LRRC7: variants seen among roughly 807,000 people sequenced by gnomAD.
LRRC7 encodes leucine-rich repeat-containing protein 7.
Under a neutral mutation model 175.7 loss-of-function variants are expected in LRRC7, and 23 were observed. The observed-to-expected ratio is 0.13, with a 90% CI of 0.09 to 0.19. LRRC7 has a LOEUF of 0.19. LRRC7 is among the 10% of genes least tolerant of loss of function. LRRC7 has a pLI of 1.00. For missense variants in LRRC7, 1,354 were observed against 1,904.7 expected (o/e 0.71, Z 5.38); for synonymous variants, 685 against 680.9 (o/e 1.01, Z -0.09).
At chr1:69,792,787 G>C (rs1322049768) in intron 4 of LRRC7, among the ~76,000 whole-genome samples, 1 of 151,988 alleles carries the variant, frequency 6.6e-6, no homozygotes, top group Non-Finnish European at 1.5e-5. Context: ...TTGTATATCT[G>C]GTGTTTTTGT....
intron 11 of LRRC7, among the ~76,000 whole-genome samples, chr1:70,001,270 T>G (rs1317629085): frequency 6.6e-6 from 1 of 152,224 alleles, no homozygotes. Context: ...TAATGATGTT[T>G]GTAATGAGTA....
chr1:69,748,382 G>A (rs946701108), intron 2 of LRRC7, among the ~76,000 whole-genome samples: 2 of 152,038 alleles, frequency 1.3e-5, no homozygotes, highest in African/African-American at 4.8e-5. Flanking sequence ...ATCACAAAAG[G>A]CAAGGAATCT....
At chr1:69,763,577 A>G (rs1671275431) in intron 3 of LRRC7, among the ~76,000 whole-genome samples, 1 of 152,020 alleles carries the variant, frequency 6.6e-6, no homozygotes, top group Non-Finnish European at 1.5e-5. Flanking sequence ...GGCTGCTGGT[A>G]GCAGTACAAG....
intron 1 of LRRC7, among the ~76,000 whole-genome samples, chr1:69,649,412 G>A (rs1228755985): frequency 6.6e-6 from 1 of 152,158 alleles, no homozygotes; most frequent in African/African-American, 2.4e-5. Context: ...ATTTTAAGCA[G>A]ACCTACAGTA....
intron 23 of LRRC7, among the ~76,000 whole-genome samples, chr1:70,070,000 A>G (rs1220225278): frequency 6.6e-6 from 1 of 151,584 alleles, no homozygotes; most frequent in Non-Finnish European, 1.5e-5. Flanking sequence ...TAAAAATTTT[A>G]TATATTTTTT....
intron 25 of LRRC7, among the ~76,000 whole-genome samples, chr1:70,090,233 A>G (rs957784581): frequency 3.9e-5 from 6 of 152,210 alleles, no homozygotes; most frequent in Non-Finnish European, 7.3e-5. Context: ...TAGTAATTCA[A>G]TGCAAAGGCA....
At chr1:69,861,896 A>G (rs993139880) in intron 7 of LRRC7, among the ~76,000 whole-genome samples, 1 of 152,164 alleles carries the variant, frequency 6.6e-6, no homozygotes, top group African/African-American at 2.4e-5. Context: ...CACTTCATAA[A>G]ATCAGTTGCT....
At chr1:70,040,090 A>G (rs1385096825) in intron 21 of LRRC7, among the ~76,000 whole-genome samples, 1 of 152,246 alleles carries the variant, frequency 6.6e-6, no homozygotes, top group Non-Finnish European at 1.5e-5. Context: ...CTTTCTAGCC[A>G]TTAAGGCAAA....
chr1:69,660,899 G>A (rs1036791155), intron 1 of LRRC7, among the ~76,000 whole-genome samples: 4 of 151,866 alleles, frequency 2.6e-5, no homozygotes, highest in South Asian at 2.1e-4. Context: ...TGAGGGAGAC[G>A]GATTGTAGCA....
chr1:69,789,357 A>G (rs1237772658), intron 3 of LRRC7, among the ~76,000 whole-genome samples: 1 of 21,962 alleles, frequency 4.6e-5, no homozygotes, highest in Non-Finnish European at 8.9e-5. Flanking sequence ...TTTGAGAATC[A>G]TTGAGTTTAC....
intron 1 of LRRC7, among the ~76,000 whole-genome samples, chr1:69,620,399 C>T (rs1650378652): frequency 6.6e-6 from 1 of 151,972 alleles, no homozygotes. Context: ...AATTCTAAGA[C>T]CAAAAAGTTT....
At chr1:69,961,596 T>G (rs1651097464) in intron 8 of LRRC7, among the ~76,000 whole-genome samples, 2 of 152,180 alleles carry the variant, frequency 1.3e-5, no homozygotes, top group Admixed American at 1.3e-4. Flanking sequence ...ACAGGGCTGC[T>G]ACAGTAACCA....
intron 1 of LRRC7, among the ~76,000 whole-genome samples, chr1:69,582,242 C>T (rs1214202245): frequency 6.6e-6 from 1 of 152,160 alleles, no homozygotes; most frequent in African/African-American, 2.4e-5. Context: ...AACTAAGATA[C>T]TTATTTTACC....
chr1:69,825,858 T>G (rs754606131), intron 5 of LRRC7, 32 bp downstream of exon 5: 3 of 1,381,954 alleles, frequency 2.2e-6, no homozygotes, highest in Non-Finnish European at 3.0e-6. Context: ...TTATTTGTAT[T>G]TATATTTCCA....
At chr1:69,915,288 T>A (rs1646652581) in intron 7 of LRRC7, among the ~76,000 whole-genome samples, 1 of 151,608 alleles carries the variant, frequency 6.6e-6, no homozygotes, top group African/African-American at 2.4e-5. Context: ...CAGGTCAGAG[T>A]TTCAAGCAGG....
At chr1:70,121,655 C>A in intron 26 of LRRC7, 125 bp from the exon 27 acceptor site, 1 of 609,982 alleles carries the variant, frequency 1.6e-6, no homozygotes, top group South Asian at 2.4e-5. Flanking sequence ...ATTGCGATTC[C>A]ATTGTGAATT....
At chr1:70,118,508 T>C (rs573197537) in intron 26 of LRRC7, among the ~76,000 whole-genome samples, 1 of 152,310 alleles carries the variant, frequency 6.6e-6, no homozygotes, top group African/African-American at 2.4e-5. Context: ...TTGGAGGTGA[T>C]ACAGCAACAA....
chr1:70,036,615 G>C lies in LRRC7; in HGVS notation c.2279G>C (p.Trp760Ser). The change falls in exon 20 of 27, where the codon TGG becomes TCG. Residue 760 changes from tryptophan to serine, a missense_variant. This residue lies in a region of LRRC7 where 1,032 missense variants were observed against 1,227.2 expected (regional missense o/e 0.84). Transcript: ENST00000651989. ...TAKDAVHNSL[W>S]GNRIAPSFPQ... Reference sequence around the variant, plus strand: ...AAAGATGCAGTACATAATTCTTTGTGGGGTAACAGGTGTGTTTAGAATTCC... The same window carrying C: ...AAAGATGCAGTACATAATTCTTTGTCGGGTAACAGGTGTGTTTAGAATTCC... The C allele has an allele frequency of 6.2e-7, 1 of 1,608,792 alleles. No homozygotes were observed. The highest frequency in any genetic ancestry group is 8.5e-7 in the Non-Finnish European group (1 of 1,178,500).
In LRRC7 at chr1:69,600,795, G is replaced by GT. The variant is rs1557463007; in HGVS notation, c.2+32154_2+32155insT. Among the ~76,000 whole-genome samples, 20 of 3,896 alleles carry GT rather than the reference G, an allele frequency of 5.1e-3. 5 individuals are homozygous for GT. Among genetic ancestry groups the GT allele is most frequent in the African/African-American group, 0.01 (7 of 696 alleles). 2.6% of individuals were successfully genotyped at this position (3,896 alleles called of 152,430 possible). A position where few individuals can be genotyped will look rare whatever the true frequency, so the allele number is the denominator to read the frequency against. On this transcript the variant is annotated intron_variant, in intron 1 of 26. Coordinates refer to ENST00000651989, the MANE Select transcript of LRRC7 (RefSeq NM_001370785.2). ...ATTAGCCATTTCTCCAAGGATCTCT[G>GT]GTTTCTTTTTTTTTTTTTTTTTTTT...
Sources: allele counts gnomAD v4.1 joint callset (sites outside exome capture counted in the v4.1 genomes callset), GRCh38; gene constraint gnomAD v4.1.1; regional missense constraint gnomAD v4.1.1; transcripts MANE v1.5; gene names NCBI Gene and HGNC (gene_info 2026-07-23, HGNC 2026-07-21).